PLCG2: variants seen among roughly 807,000 people sequenced by gnomAD.
PLCG2 encodes the protein phospholipase C gamma 2.
PLCG2 carries 69 observed loss-of-function variants against 175.6 expected under a neutral mutation model. The observed-to-expected ratio is 0.39, with a 90% confidence interval of 0.32 to 0.48. The LOEUF is 0.48. PLCG2 is among the 20% of genes least tolerant of loss of function. PLCG2 has a pLI of 0.91. For missense variants in PLCG2, 1,798 were observed against 1,650.9 expected (o/e 1.09, Z -1.54); for synonymous variants, 827 against 624.0 (o/e 1.33, Z -4.85).
chr16:81,866,556 A>T (rs557415786), intron 5 of PLCG2, among the ~76,000 whole-genome samples: 1 of 73,572 alleles, frequency 1.4e-5, no homozygotes, highest in East Asian at 4.8e-4. Context: ...GGGCACCAGC[A>T]TGAGAGGACG....
chr16:81,830,847 G>A (rs1905232075), intron 2 of PLCG2, among the ~76,000 whole-genome samples: 1 of 151,828 alleles, frequency 6.6e-6, no homozygotes, highest in African/African-American at 2.4e-5. Flanking sequence ...GATGACTGAG[G>A]GTATATGCAA....
intron 1 of PLCG2, among the ~76,000 whole-genome samples, chr16:81,753,431 T>G (rs1209932462): frequency 1.3e-5 from 2 of 151,248 alleles, no homozygotes; most frequent in Admixed American, 6.6e-5. Context: ...AATTTTTTTT[T>G]TTTTTGAGAT....
upstream of PLCG2, among the ~76,000 whole-genome samples, chr16:81,774,951 G>A (rs1263170047): frequency 1.3e-5 from 2 of 152,034 alleles, no homozygotes; most frequent in Non-Finnish European, 2.9e-5. Context: ...TCATCATGTT[G>A]TCCAGGCTAG....
chr16:81,929,784 TG>T (rs1452282490), intron 24 of PLCG2, among the ~76,000 whole-genome samples: 2 of 152,206 alleles, frequency 1.3e-5, no homozygotes, highest in African/African-American at 4.8e-5. Flanking sequence ...GATTACCAGA[TG>T]GGAAAATCAA....
rs1434900457 is a variant in PLCG2, at chr16:81,905,448, G to A, written c.1408G>A (p.Asp470Asn). Residue 470 changes from aspartate (D) to asparagine (N), a missense_variant, in exon 15 of 33, where the codon GAC (aspartate) becomes AAC (asparagine). Transcript: ENST00000564138. ...PRGDVDVNME[D>N]KKDEHKQQGE... ...AGGCGATGTGGATGTCAACATGGAGGACAAGAAGGACGAACACAAGCAACA... is the reference window on the plus strand; with the variant it reads ...AGGCGATGTGGATGTCAACATGGAGAACAAGAAGGACGAACACAAGCAACA... 1.2e-6 allele frequency: 2 copies of A among 1,614,198 alleles called. No individual in the cohort carries two copies. The highest frequency in any genetic ancestry group is 1.7e-6 in the Non-Finnish European group (2 of 1,180,020).
At chr16:81,782,297 C>T (rs983270182) in intron 1 of PLCG2, among the ~76,000 whole-genome samples, 1 of 151,200 alleles carries the variant, frequency 6.6e-6, no homozygotes, top group Non-Finnish European at 1.5e-5. Flanking sequence ...TATTCAAACT[C>T]AGCCATATTT....
chr16:81,841,647 C>G (rs933799737), intron 2 of PLCG2, among the ~76,000 whole-genome samples: 4 of 152,150 alleles, frequency 2.6e-5, no homozygotes, highest in African/African-American at 9.7e-5. Context: ...AGAATAGAGG[C>G]TTCTTCATAC....
intron 30 of PLCG2, 70 bp downstream of exon 30, chr16:81,940,129 A>G: frequency 1.5e-6 from 2 of 1,310,158 alleles, no homozygotes; most frequent in Non-Finnish European, 2.2e-6. Flanking sequence ...GCTGGCTTCA[A>G]AAAGAATGAA....
chr16:81,952,705 T>C (rs990580081), intron 31 of PLCG2, among the ~76,000 whole-genome samples: 2 of 152,222 alleles, frequency 1.3e-5, no homozygotes, highest in East Asian at 3.8e-4. Flanking sequence ...AAGAGATAGC[T>C]CTTCCTTACA....
chr16:81,810,226 G>A (rs929236677), intron 2 of PLCG2, among the ~76,000 whole-genome samples: 1 of 152,072 alleles, frequency 6.6e-6, no homozygotes, highest in Admixed American at 6.6e-5. Flanking sequence ...CTTGATTCTC[G>A]TGGCATGCCT....
intron 13 of PLCG2, among the ~76,000 whole-genome samples, chr16:81,897,517 T>C (rs1376064968): frequency 6.7e-6 from 1 of 149,650 alleles, no homozygotes; most frequent in Non-Finnish European, 1.5e-5. Flanking sequence ...AGATCGATTA[T>C]TTTTTCTCTT....
intron 8 of PLCG2, among the ~76,000 whole-genome samples, chr16:81,881,246 G>GT (rs34065286): frequency 0.34 from 50,432 of 150,094 alleles, 8,434 homozygotes; most frequent in South Asian, 0.35. Flanking sequence ...CAGGTTAATA[G>GT]TTTTTTTTTT....
intron 2 of PLCG2, among the ~76,000 whole-genome samples, chr16:81,841,918 C>T (rs1366325768): frequency 1.3e-5 from 2 of 152,232 alleles, no homozygotes; most frequent in East Asian, 3.9e-4. Flanking sequence ...AAAGTGAAAC[C>T]ACCAGCAGCT....
intron 27 of PLCG2, 71 bp downstream of exon 27, chr16:81,936,449 T>G (rs1597143785): frequency 9.1e-6 from 11 of 1,213,460 alleles, no homozygotes; most frequent in Non-Finnish European, 1.3e-5. Flanking sequence ...CGAGTCACCT[T>G]GGGTCAGCGA....
chr16:81,793,911 A>G (rs1210297865), intron 2 of PLCG2, among the ~76,000 whole-genome samples: 4 of 152,238 alleles, frequency 2.6e-5, no homozygotes, highest in Admixed American at 1.3e-4. Context: ...TTCAGTCTCA[A>G]GTCTTCTTCC....
intron 26 of PLCG2, among the ~76,000 whole-genome samples, chr16:81,934,798 C>T (rs1327320042): frequency 6.6e-6 from 1 of 150,950 alleles, no homozygotes; most frequent in Non-Finnish European, 1.5e-5. Flanking sequence ...ACTCACAGTT[C>T]CACGTGGAGG....
intron 2 of PLCG2, among the ~76,000 whole-genome samples, chr16:81,841,742 C>T (rs1353432120): frequency 1.3e-5 from 2 of 152,158 alleles, no homozygotes; most frequent in Non-Finnish European, 2.9e-5. Context: ...GTGTGTGCCT[C>T]GGAAGCCCCT....
intron 2 of PLCG2, among the ~76,000 whole-genome samples, chr16:81,852,585 C>T (rs1357759850): frequency 1.3e-5 from 2 of 152,088 alleles, no homozygotes; most frequent in African/African-American, 4.8e-5. Context: ...CTATCCTTGC[C>T]TGGTAGGTTT....
chr16:81,864,767 C>T (rs1907146823), intron 5 of PLCG2, among the ~76,000 whole-genome samples: 1 of 152,168 alleles, frequency 6.6e-6, no homozygotes, highest in South Asian at 2.1e-4. Flanking sequence ...ACGGGGCTGC[C>T]ATCCTTAATG....
Sources: allele counts gnomAD v4.1 joint callset (sites outside exome capture counted in the v4.1 genomes callset), GRCh38; gene constraint gnomAD v4.1.1; transcripts MANE v1.5; gene names NCBI Gene and HGNC (gene_info 2026-07-23, HGNC 2026-07-21).